MAP3K9: variants seen among roughly 807,000 people sequenced by gnomAD.
MAP3K9 encodes the protein mitogen-activated protein kinase kinase kinase 9.
MAP3K9 carries 46 observed loss-of-function variants against 95.8 expected under a neutral mutation model. The ratio of observed to expected loss-of-function variants is 0.48; its 90% CI spans 0.38 to 0.61. MAP3K9 has a LOEUF of 0.61. Among genes scored for constraint, MAP3K9 ranks in the 20% least tolerant of loss-of-function variants. The probability of loss-of-function intolerance (pLI) is 0.00; values close to 1 mark genes in which losing one functional copy is unlikely to be tolerated. For missense variants in MAP3K9, 1,296 were observed against 1,474.3 expected (o/e 0.88, Z 1.98); for synonymous variants, 533 against 593.8 (o/e 0.90, Z 1.49).
At chr14:70,782,785 C>T (rs2139829229) in intron 2 of MAP3K9, among the ~76,000 whole-genome samples, 1 of 152,286 alleles carries the variant, frequency 6.6e-6, no homozygotes, top group Admixed American at 6.5e-5. Context: ...TAGCATCTTC[C>T]TAGTCTACCT....
Position 70,730,363 on chromosome 14 carries a change from C to T in MAP3K9, c.*17G>A, listed in dbSNP as rs944786886. On this transcript the variant is annotated 3_prime_UTR_variant, in exon 12 of 12. Transcript: ENST00000554752. ...CTCCGCTGGCTGTCCCCCTTGCCCG[C>T]CCCAATCCTTTTCGTGCTAAGACCA... 5.0e-6 allele frequency: 8 copies of T among 1,593,428 alleles called. No homozygotes were observed. The Admixed American group carries it at 5.1e-5, about 10-fold the overall frequency.
chr14:70,733,617 T>A, intron 10 of MAP3K9: 1 of 667,354 alleles, frequency 1.5e-6, no homozygotes, highest in Non-Finnish European at 2.8e-6. Context: ...AAGGGATCTG[T>A]GATAGTGACT....
intron 2 of MAP3K9, among the ~76,000 whole-genome samples, chr14:70,778,952 T>C (rs1209110203): frequency 1.3e-5 from 2 of 152,126 alleles, no homozygotes; most frequent in Non-Finnish European, 2.9e-5. Flanking sequence ...AGGGGCTCCT[T>C]AGAAGGGGCT....
chr14:70,785,938 G>C (rs11622867), intron 2 of MAP3K9, among the ~76,000 whole-genome samples: 64,658 of 152,030 alleles, frequency 0.43, 14,059 homozygotes, highest in South Asian at 0.58. Context: ...CAGGGAGAGT[G>C]AAATGGCAGA....
intron 1 of MAP3K9, among the ~76,000 whole-genome samples, chr14:70,807,926 A>G (rs780769654): frequency 1.1e-4 from 16 of 152,244 alleles, no homozygotes; most frequent in Admixed American, 9.8e-4. Context: ...GGGACCCCTG[A>G]GCATGGTCCC....
rs552943051 is a variant in MAP3K9 at position 70,769,485 on chromosome 14, C to T, written c.821-8303G>A. Reference sequence around the variant, plus strand: ...AAAAAATGAAGCTGTGTGTTGTAGCCTCCTAGGGCTGCCATAACAAATTAA... The same window carrying T: ...AAAAAATGAAGCTGTGTGTTGTAGCTTCCTAGGGCTGCCATAACAAATTAA... On this transcript the variant is annotated intron_variant, in intron 2 of 11. Coordinates refer to ENST00000554752, the MANE Select transcript of MAP3K9 (RefSeq NM_001284230.2). Among the ~76,000 whole-genome samples the T allele has an allele frequency of 7.9e-5, 12 of 152,248 alleles. No individual in the cohort carries two copies. In the South Asian group the frequency reaches 2.5e-3, roughly 32 times the overall value.
At chr14:70,746,630 C>T (rs1323176408) in intron 5 of MAP3K9, among the ~76,000 whole-genome samples, 3 of 152,170 alleles carry the variant, frequency 2.0e-5, no homozygotes, top group African/African-American at 4.8e-5. Context: ...ATAAGGGCAT[C>T]ACATGTAATA....
At position 70,728,709 on chromosome 14, in the gene MAP3K9, C is replaced by T. The variant is rs2053853328; in HGVS notation, c.*1671G>A. On this transcript the variant is annotated 3_prime_UTR_variant, in exon 12 of 12. Coordinates refer to ENST00000554752, the MANE Select transcript of MAP3K9 (RefSeq NM_001284230.2). ...GCTCATAAAGCAAGGAACAAGGTCACCCCTTTAGTGACCCCAAGGCAGGAC... is the reference window on the plus strand; with the variant it reads ...GCTCATAAAGCAAGGAACAAGGTCATCCCTTTAGTGACCCCAAGGCAGGAC... 6.6e-6 allele frequency: 1 copy of T among 152,186 alleles called. No individual in the cohort carries two copies. The highest frequency in any genetic ancestry group is 2.4e-5 in the African/African-American group (1 of 41,436). 9.4% of individuals were successfully genotyped at this position (152,186 alleles called of 1,614,324 possible).
At chr14:70,765,747 AAAACAAAAAAAAAC>A (rs1299002618) in intron 2 of MAP3K9, among the ~76,000 whole-genome samples, 8 of 22,290 alleles carry the variant, frequency 3.6e-4, no homozygotes, top group African/African-American at 1.2e-3. Flanking sequence ...AAAAAAAAAA[AAAACAAAAAAAAAC>A]AAAAAAAAAA....
Position 70,809,110 on chromosome 14 carries a change from C to T in MAP3K9, c.62G>A (p.Gly21Glu). ...GGCCCCGGCCCCTGCTCCATCCTCC[C>T]CCGGCGGGGCGGCAGCGGCGGCGCT... ...LASAAAAAPP[G>E]EDGAGAGAEE... Residue 21 changes from glycine (G) to glutamate (E), a missense_variant, in exon 1 of 12, where the codon GGG (glycine) becomes GAG (glutamate). By Grantham distance (98) the Gly-to-Glu change is moderately conservative. Coordinates refer to ENST00000554752, the MANE Select transcript of MAP3K9 (RefSeq NM_001284230.2). 1.4e-6 allele frequency: 2 copies of T among 1,383,482 alleles called. No homozygotes were observed. Among genetic ancestry groups the T allele is most frequent in the Non-Finnish European group, 9.3e-7 (1 of 1,077,664 alleles). The allele number at this position is 1,383,482 out of a possible 1,614,324, so 85.7% of individuals were successfully genotyped here.
rs778571437 is a variant in MAP3K9, at chr14:70,733,039, A to G, written c.2330T>C (p.Leu777Pro). The G allele has an allele frequency of 2.4e-5, 38 of 1,614,048 alleles. No individual in the cohort carries two copies. Among genetic ancestry groups the G allele is most frequent in the Non-Finnish European group, 3.2e-5 (38 of 1,180,038 alleles). Residue 777 changes from leucine to proline, a missense_variant, in exon 11 of 12, where the codon CTG becomes CCG. Physicochemically the swap from Leu to Pro is moderately conservative, Grantham distance 98. This residue lies in a region of MAP3K9 where 433 missense variants were observed against 441.4 expected (regional missense o/e 0.98). Transcript: ENST00000554752. ...FDLLEAGKCQLLPLEEPEPPA... is the reference protein window; with the variant it reads ...FDLLEAGKCQPLPLEEPEPPA... ...TGGCTCAGGCTCCTCCAGGGGAAGC[A>G]GCTGGCACTTGCCAGCTTCCAGCAA... is the stretch of plus-strand genomic sequence containing the variant.
At chr14:70,734,528 G>A in intron 9 of MAP3K9, 30 bp from the exon 10 acceptor site, 1 of 1,309,120 alleles carries the variant, frequency 7.6e-7, no homozygotes, top group Non-Finnish European at 1.1e-6. Context: ...GAAACTGTCA[G>A]AACTGGTTAC....
chr14:70,761,308 T>C, intron 2 of MAP3K9, 126 bp from the exon 3 acceptor site: 1 of 734,424 alleles, frequency 1.4e-6, no homozygotes, highest in East Asian at 2.7e-5. Flanking sequence ...TGCCATGGAT[T>C]GATGGTCAGA....
intron 2 of MAP3K9, among the ~76,000 whole-genome samples, chr14:70,795,218 G>T (rs1325815511): frequency 6.6e-6 from 1 of 151,198 alleles, no homozygotes; most frequent in African/African-American, 2.4e-5. Flanking sequence ...GGCTGGTCTC[G>T]AACTCCTGAC....
chr14:70,726,092 G>GTACCATTCACAGCCATCCAGTC lies in MAP3K9; in HGVS notation c.*4266_*4287dup, dbSNP rs2053817485. On this transcript the variant is annotated 3_prime_UTR_variant, in exon 12 of 12. Transcript: ENST00000554752. ...GCCAACACGGTTTCAACCCCAAGGT[G>GTACCATTCACAGCCATCCAGTC]TACCATTCACAGCCATCCAGTCTTC... 6.6e-6 allele frequency: 1 copy of GTACCATTCACAGCCATCCAGTC among 152,286 alleles called. No individual in the cohort carries two copies. The highest frequency in any genetic ancestry group is 1.5e-5 in the Non-Finnish European group (1 of 68,086). 9.4% of individuals were successfully genotyped at this position (152,286 alleles called of 1,614,324 possible).
intron 3 of MAP3K9, among the ~76,000 whole-genome samples, chr14:70,760,680 A>G (rs1242525696): frequency 6.6e-6 from 1 of 152,156 alleles, no homozygotes; most frequent in Non-Finnish European, 1.5e-5. Flanking sequence ...AAGCTCTCCG[A>G]GAAGGACCGA....
chr14:70,787,599 A>G (rs2054761150), intron 2 of MAP3K9, among the ~76,000 whole-genome samples: 1 of 152,020 alleles, frequency 6.6e-6, no homozygotes, highest in African/African-American at 2.4e-5. Flanking sequence ...CAAGGGATGG[A>G]TGGACAGTCA....
chr14:70,806,108 C>T (rs4902859), intron 1 of MAP3K9, among the ~76,000 whole-genome samples: 34,392 of 151,988 alleles, frequency 0.23, 4,178 homozygotes, highest in South Asian at 0.38. Flanking sequence ...GTAACTCTGG[C>T]GATGAAGTGT....
At chr14:70,754,524 T>C (rs2054272228) in intron 3 of MAP3K9, among the ~76,000 whole-genome samples, 2 of 152,116 alleles carry the variant, frequency 1.3e-5, no homozygotes, top group African/African-American at 2.4e-5. Context: ...CAGGCTGGAG[T>C]GCAGTGGTGC....
Sources: gnomAD v4.1 joint callset for allele counts (sites outside exome capture counted in the v4.1 genomes callset) on GRCh38, gnomAD v4.1.1 for gene constraint, gnomAD v4.1.1 regional missense constraint, MANE v1.5 for transcripts, NCBI Gene and HGNC (gene_info 2026-07-23, HGNC 2026-07-21) for gene names.